Variants in ADCY1 observed in about 807,000 individuals in gnomAD.
ADCY1 encodes the protein adenylate cyclase type 1.
ADCY1 carries 28 observed loss-of-function variants against 105.4 expected under a neutral mutation model. The ratio of observed to expected loss-of-function variants is 0.27; its 90% CI spans 0.20 to 0.36. ADCY1 has a LOEUF of 0.36. ADCY1 is among the 10% of genes least tolerant of loss of function. ADCY1 has a pLI of 1.00. For missense variants in ADCY1, 977 were observed against 1,434.2 expected, an observed-to-expected ratio of 0.68 and a Z score of 5.15; for synonymous variants, 655 against 623.8, an observed-to-expected ratio of 1.05 and a Z score of -0.75.
At chr7:45,649,457 G>T (rs1160490672) in intron 5 of ADCY1, among the ~76,000 whole-genome samples, 1 of 152,190 alleles carries the variant, frequency 6.6e-6, no homozygotes, top group Non-Finnish European at 1.5e-5. Context: ...GGAGAGGTGG[G>T]TATGCTCCAA....
At chr7:45,667,558 G>A (rs1159315562) in intron 8 of ADCY1, among the ~76,000 whole-genome samples, 2 of 151,990 alleles carry the variant, frequency 1.3e-5, no homozygotes, top group African/African-American at 4.8e-5. Flanking sequence ...GAAGTCAGGT[G>A]GCATGATGCC....
chr7:45,712,900 C>A (rs991216438), intron 19 of ADCY1, among the ~76,000 whole-genome samples: 1 of 152,166 alleles, frequency 6.6e-6, no homozygotes, highest in African/African-American at 2.4e-5. Context: ...GGTTGCGAAC[C>A]TGTCAAGAAA....
At chr7:45,583,089 C>G (rs761973383) in intron 1 of ADCY1, among the ~76,000 whole-genome samples, 20 of 152,234 alleles carry the variant, frequency 1.3e-4, no homozygotes, top group Non-Finnish European at 2.9e-4. Flanking sequence ...CTGAACATAG[C>G]TCTCTGGGTG....
chr7:45,711,607 G>GTATATATATATATATATATATA (rs71030888), intron 19 of ADCY1, among the ~76,000 whole-genome samples: 1 of 70,820 alleles, frequency 1.4e-5, no homozygotes, highest in Non-Finnish European at 2.8e-5. Flanking sequence ...ACTTCGTGCT[G>GTATATATATATATATATATATA]TATATATATA....
Position 45,716,702 on chromosome 7 carries a change from C to T in ADCY1, c.*2707C>T, listed in dbSNP as rs1347710994. On this transcript the variant is annotated 3_prime_UTR_variant, in exon 20 of 20. Coordinates refer to ENST00000297323, the MANE Select transcript of ADCY1 (RefSeq NM_021116.4). ...AGGTGTCCATGCCCCAGTTCTAAGC[C>T]CTGTGGCCAGGTGCTGTCACACAGC... 1 of 152,362 alleles carries T rather than the reference C, an allele frequency of 6.6e-6. No individual in the cohort carries two copies. The highest frequency in any genetic ancestry group is 1.5e-5 in the Non-Finnish European group (1 of 68,182). The allele number at this position is 152,362 out of a possible 1,614,324, so 9.4% of individuals were successfully genotyped here. A position where few individuals can be genotyped will look rare whatever the true frequency, so the allele number is the denominator to read the frequency against.
At chr7:45,614,465 AAG>A (rs1328813968) in intron 3 of ADCY1, among the ~76,000 whole-genome samples, 4 of 152,220 alleles carry the variant, frequency 2.6e-5, no homozygotes, top group Non-Finnish European at 4.4e-5. Context: ...GGAATGCAGA[AAG>A]AGAGGAAAAC....
At chr7:45,638,329 T>C (rs868535192) in intron 4 of ADCY1, among the ~76,000 whole-genome samples, 13 of 152,352 alleles carry the variant, frequency 8.5e-5, no homozygotes, top group East Asian at 1.9e-4. Flanking sequence ...AGCTATTTTC[T>C]TCTGCAGTGT....
intron 2 of ADCY1, 51 bp from the exon 3 acceptor site, chr7:45,610,328 G>C (rs368050706): frequency 6.5e-7 from 1 of 1,534,132 alleles, no homozygotes; most frequent in Non-Finnish European, 9.0e-7. Flanking sequence ...GTGAGGAGGA[G>C]TGGAGGGAGG....
At chr7:45,593,910 G>A (rs1442585753) in intron 2 of ADCY1, among the ~76,000 whole-genome samples, 2 of 152,330 alleles carry the variant, frequency 1.3e-5, no homozygotes, top group African/African-American at 4.8e-5. Flanking sequence ...ATGTGAACAC[G>A]TAGGAGGGCG....
chr7:45,614,541 CTATCAGTACT>C (rs1793685216), intron 3 of ADCY1, among the ~76,000 whole-genome samples: 1 of 152,158 alleles, frequency 6.6e-6, no homozygotes, highest in African/African-American at 2.4e-5. Flanking sequence ...AAGCCATTCC[CTATCAGTACT>C]TAAAGTGTAG....
In ADCY1 at chr7:45,591,091, C is replaced by A. The variant is rs892051234; in HGVS notation, c.640-1668C>A. On this transcript the variant is annotated intron_variant, in intron 1 of 19. Coordinates refer to ENST00000297323, the MANE Select transcript of ADCY1 (RefSeq NM_021116.4). The surrounding 1 kb of genome is among the most constrained non-coding windows in gnomAD (Gnocchi z 4.1). ...ATGTTGTTTCCAGATTGCATGTGAC[C>A]GTTGGTCCTAGGTTTGTTTTCCAGC... 5.3e-5 allele frequency among the ~76,000 whole-genome samples: 8 copies of A among 152,158 alleles called. No individual in the cohort carries two copies. The highest frequency in any genetic ancestry group is 1.0e-4 in the Non-Finnish European group (7 of 68,024).
At position 45,717,052 on chromosome 7, in the gene ADCY1, G is replaced by GCCCA. The variant is rs1480070099; in HGVS notation, c.*3058_*3061dup. On this transcript the variant is annotated 3_prime_UTR_variant, in exon 20 of 20. Coordinates refer to ENST00000297323, the MANE Select transcript of ADCY1 (RefSeq NM_021116.4). ...CCCAGAGCCTCCAGGCGTGAGTGGA[G>GCCCA]CCCAGTCCAGCGACACCTTGGTTTG... is the stretch of plus-strand genomic sequence containing the variant. The GCCCA allele has an allele frequency of 6.6e-6, 1 of 152,270 alleles. No individual in the cohort carries two copies. The highest frequency in any genetic ancestry group is 1.5e-5 in the Non-Finnish European group (1 of 68,114). The allele number at this position is 152,270 out of a possible 1,614,324, so 9.4% of individuals were successfully genotyped here.
rs1481950958 is a variant in ADCY1 at position 45,591,959 on chromosome 7, A to G, written c.640-800A>G. ...TGAAGTGGGGACAGGACTAAGGGAGAGTGCAGAGACCGGGCTCTGGACACT... is the reference window on the plus strand; with the variant it reads ...TGAAGTGGGGACAGGACTAAGGGAGGGTGCAGAGACCGGGCTCTGGACACT... On this transcript the variant is annotated intron_variant, in intron 1 of 19. Coordinates refer to ENST00000297323, the MANE Select transcript of ADCY1 (RefSeq NM_021116.4). The surrounding 1 kb of genome is among the most constrained non-coding windows in gnomAD (Gnocchi z 4.1). Among the ~76,000 whole-genome samples, 1 of 151,890 alleles carries G rather than the reference A, an allele frequency of 6.6e-6. No homozygotes were observed. The highest frequency in any genetic ancestry group is 2.4e-5 in the African/African-American group (1 of 41,298).
At chr7:45,612,819 G>A (rs191098685) in intron 3 of ADCY1, among the ~76,000 whole-genome samples, 2 of 152,308 alleles carry the variant, frequency 1.3e-5, no homozygotes, top group East Asian at 1.9e-4. Flanking sequence ...AGAGAACAGA[G>A]GTGGTAGTCT....
intron 2 of ADCY1, among the ~76,000 whole-genome samples, chr7:45,608,129 A>G (rs530494667): frequency 3.6e-4 from 55 of 152,168 alleles, no homozygotes; most frequent in Middle Eastern, 3.4e-3. Context: ...TGACTTTTTA[A>G]TGGTAGCCAT....
chr7:45,632,613 G>T (rs1794289147), intron 4 of ADCY1, among the ~76,000 whole-genome samples: 1 of 151,614 alleles, frequency 6.6e-6, no homozygotes, highest in Non-Finnish European at 1.5e-5. Flanking sequence ...ACTCAGGCTG[G>T]AGTGTAGTGG....
chr7:45,610,561 G>A, intron 3 of ADCY1, 64 bp downstream of exon 3: 2 of 1,415,830 alleles, frequency 1.4e-6, no homozygotes, highest in Non-Finnish European at 2.0e-6. Context: ...AGATAATGGT[G>A]AAGGTGGGGA....
intron 3 of ADCY1, among the ~76,000 whole-genome samples, chr7:45,614,546 A>G (rs968311594): frequency 3.9e-5 from 6 of 152,226 alleles, no homozygotes; most frequent in Non-Finnish European, 7.3e-5. Context: ...ATTCCCTATC[A>G]GTACTTAAAG....
chr7:45,704,430 G>C, intron 16 of ADCY1, 88 bp from the exon 17 acceptor site: 1 of 1,104,078 alleles, frequency 9.1e-7, no homozygotes, highest in Non-Finnish European at 1.4e-6. Flanking sequence ...GTGTCCATCG[G>C]CTCTGCTGTT....
Sources: gnomAD v4.1 joint callset for allele counts (sites outside exome capture counted in the v4.1 genomes callset) on GRCh38, gnomAD v4.1.1 for gene constraint, Gnocchi (gnomAD v3.1) non-coding constraint, MANE v1.5 for transcripts, NCBI Gene and HGNC (gene_info 2026-07-23, HGNC 2026-07-21) for gene names.